Variants in HNRNPM observed in about 807,000 individuals in gnomAD.
The protein encoded by HNRNPM is CEA receptor.
A neutral mutation model predicts 73.1 loss-of-function variants in HNRNPM; 11 were observed. That is an observed-to-expected ratio of 0.15 (90% CI 0.09 to 0.25). The LOEUF is 0.25. Among genes scored for constraint, HNRNPM ranks in the 10% least tolerant of loss-of-function variants. The pLI is 1.00. For synonymous variants in HNRNPM, 407 were observed against 355.2 expected (o/e 1.15, Z -1.64); for missense variants, 789 against 1,067.9 (o/e 0.74, Z 3.64).
intron 1 of HNRNPM, among the ~76,000 whole-genome samples, chr19:8,452,846 C>T (rs899660598): frequency 3.3e-5 from 5 of 151,974 alleles, no homozygotes; most frequent in African/African-American, 7.3e-5. Flanking sequence ...CAAGTAAATA[C>T]GTTACTATTT....
intron 1 of HNRNPM, among the ~76,000 whole-genome samples, chr19:8,453,758 G>A (rs1431121076): frequency 6.6e-6 from 1 of 152,178 alleles, no homozygotes; most frequent in African/African-American, 2.4e-5. Flanking sequence ...TTCCTGATCA[G>A]CTCTAATCTG....
rs1971038617 is a variant in HNRNPM at position 8,483,153 on chromosome 19, C to T, written c.1121-5C>T. On this transcript the variant is annotated splice_polypyrimidine_tract_variant and splice_region_variant and intron_variant, in intron 12 of 15. Coordinates refer to ENST00000325495, the MANE Select transcript of HNRNPM (RefSeq NM_005968.5). ...CTAATTTTTTTTTCTTCCTGATTTC[C>T]TTAGAAATCCTAAGTAATGCACTGA... 2 of 1,604,550 alleles carry T rather than the reference C, an allele frequency of 1.2e-6. No homozygotes were observed. Among genetic ancestry groups the T allele is most frequent in the Admixed American group, 1.7e-5 (1 of 58,634 alleles).
Position 8,462,342 on chromosome 19 carries a change from G to A in HNRNPM, c.284-187G>A, listed in dbSNP as rs1938394091. 5 of 573,328 alleles carry A rather than the reference G, an allele frequency of 8.7e-6. No homozygotes were observed. The highest frequency in any genetic ancestry group is 2.3e-5 in the South Asian group (1 of 43,790). The allele number at this position is 573,328 out of a possible 1,614,324, so 35.5% of individuals were successfully genotyped here. A position where few individuals can be genotyped will look rare whatever the true frequency, so the allele number is the denominator to read the frequency against. ...GGAAAATCAAGGACATATTGTTAAC[G>A]TGTTTTCACCTACTTTTACTGCACA... is the stretch of plus-strand genomic sequence containing the variant. On this transcript the variant is annotated intron_variant, in intron 2 of 15. Coordinates refer to ENST00000325495, the MANE Select transcript of HNRNPM (RefSeq NM_005968.5). The surrounding 1 kb of genome is among the most constrained non-coding windows in gnomAD (Gnocchi z 4.5).
intron 1 of HNRNPM, among the ~76,000 whole-genome samples, chr19:8,451,281 G>C (rs1364823056): frequency 1.3e-5 from 2 of 151,706 alleles, no homozygotes; most frequent in East Asian, 3.9e-4. Context: ...GACCTCAGGT[G>C]ATCTGCCCGC....
At chr19:8,463,393 A>G (rs3764570) in intron 3 of HNRNPM, 104 bp from the exon 4 acceptor site, 354,417 of 1,274,192 alleles carry the variant, frequency 0.28, 53,328 homozygotes, top group East Asian at 0.49. Context: ...TGTGACATAA[A>G]TCATATTTTT....
rs1218454157 is a variant in HNRNPM, at chr19:8,473,517, T to TC, written c.998-146dup. On this transcript the variant is annotated intron_variant, in intron 10 of 15. Transcript: ENST00000325495. ...CAGTTGAAATGGTAAGGGCTTTTTT[T>TC]CTTGCTGATTAAAATATATAAAATA... 6 of 617,806 alleles carry TC rather than the reference T, an allele frequency of 9.7e-6. No homozygotes were observed. The East Asian group carries it at 1.8e-4, about 18-fold the overall frequency. 38.3% of individuals were successfully genotyped at this position (617,806 alleles called of 1,614,324 possible). A position where few individuals can be genotyped will look rare whatever the true frequency, so the allele number is the denominator to read the frequency against.
chr19:8,463,653 T>G lies in HNRNPM; in HGVS notation c.405T>G (p.His135Gln), dbSNP rs1243816182. The change falls in exon 5 of 16, where the codon CAT becomes CAG. Residue 135 changes from histidine to glutamine, a missense_variant. His to Gln is a conservative substitution (Grantham distance 24, BLOSUM62 0). Coordinates refer to ENST00000325495, the MANE Select transcript of HNRNPM (RefSeq NM_005968.5). ...AAGCTGCGGAAGTCCTAAACAAGCA[T>G]AGTCTGAGCGGAAGACCACTGAAAG... Reference protein sequence around the residue: ...MKKAAEVLNKHSLSGRPLKVK... With the variant: ...MKKAAEVLNKQSLSGRPLKVK... 8.1e-6 allele frequency: 13 copies of G among 1,613,614 alleles called. No homozygotes were observed. The highest frequency in any genetic ancestry group is 1.1e-5 in the Non-Finnish European group (13 of 1,179,612).
At chr19:8,463,195 C>G (rs755511360) in intron 3 of HNRNPM, among the ~76,000 whole-genome samples, 12 of 152,220 alleles carry the variant, frequency 7.9e-5, no homozygotes, top group Non-Finnish European at 1.6e-4. Context: ...GGAAGCAGAT[C>G]TAAAGTTGGT....
At chr19:8,450,365 T>A (rs1178665862) in intron 1 of HNRNPM, among the ~76,000 whole-genome samples, 1 of 152,200 alleles carries the variant, frequency 6.6e-6, no homozygotes, top group Non-Finnish European at 1.5e-5. Flanking sequence ...AGGCAGTCAC[T>A]ATTTGGTGGT....
At chr19:8,447,791 C>T (rs1968309802) in intron 1 of HNRNPM, among the ~76,000 whole-genome samples, 1 of 152,148 alleles carries the variant, frequency 6.6e-6, no homozygotes, top group Non-Finnish European at 1.5e-5. Flanking sequence ...CTTTGGGAGG[C>T]CGAGGCGGGC....
chr19:8,468,126 A>C (rs1351332948), intron 8 of HNRNPM, among the ~76,000 whole-genome samples: 1 of 152,262 alleles, frequency 6.6e-6, no homozygotes, highest in Non-Finnish European at 1.5e-5. Flanking sequence ...TGGCGCATTC[A>C]GGAAGTCACC....
intron 2 of HNRNPM, among the ~76,000 whole-genome samples, chr19:8,459,474 C>G (rs1332141330): frequency 6.6e-6 from 1 of 152,080 alleles, no homozygotes; most frequent in African/African-American, 2.4e-5. Context: ...TGCATGTGTT[C>G]TGTGCACTCC....
rs373643159 is a variant in HNRNPM at position 8,466,402 on chromosome 19, G to C, written c.784+14G>C. Reference sequence around the variant, plus strand: ...TGCAAGCTATATGTATCCTTCTGCAGGAATTCAACTTATGAACAGTTTGAC... The same window carrying C: ...TGCAAGCTATATGTATCCTTCTGCACGAATTCAACTTATGAACAGTTTGAC... On this transcript the variant is annotated intron_variant, in intron 7 of 15. Transcript: ENST00000325495. The C allele has an allele frequency of 5.0e-6, 8 of 1,613,434 alleles. No individual in the cohort carries two copies. Among genetic ancestry groups the C allele is most frequent in the Non-Finnish European group, 6.8e-6 (8 of 1,179,678 alleles).
chr19:8,450,001 G>C (rs1968492239), intron 1 of HNRNPM, among the ~76,000 whole-genome samples: 1 of 152,152 alleles, frequency 6.6e-6, no homozygotes, highest in African/African-American at 2.4e-5. Flanking sequence ...GTCCCTCTGA[G>C]CTACCATGCA....
chr19:8,487,282 A>T, intron 15 of HNRNPM: 1 of 598,584 alleles, frequency 1.7e-6, no homozygotes, highest in South Asian at 2.0e-5. Flanking sequence ...TTTCATCCTT[A>T]CTTCCTTTTT....
intron 1 of HNRNPM, among the ~76,000 whole-genome samples, chr19:8,447,278 A>G (rs199895976): frequency 1.6e-5 from 1 of 61,344 alleles, no homozygotes; most frequent in Non-Finnish European, 4.2e-5. Context: ...TTTTTTTTTC[A>G]TTACAAGTCT....
intron 1 of HNRNPM, among the ~76,000 whole-genome samples, chr19:8,454,586 C>G (rs931008200): frequency 6.6e-6 from 1 of 151,688 alleles, no homozygotes; most frequent in East Asian, 1.9e-4. Flanking sequence ...GGGTGTATAC[C>G]TAGCAGTGGA....
At position 8,462,870 on chromosome 19, in the gene HNRNPM, G is replaced by A. The variant is rs1288156088; in HGVS notation, c.336+289G>A. Among the ~76,000 whole-genome samples the A allele has an allele frequency of 1.3e-5, 2 of 152,222 alleles. No individual in the cohort carries two copies. Among genetic ancestry groups the A allele is most frequent in the East Asian group, 3.8e-4 (2 of 5,204 alleles). On this transcript the variant is annotated intron_variant, in intron 3 of 15. Transcript: ENST00000325495. This position sits in a 1 kb window ranked among gnomAD's most constrained non-coding sequence, Gnocchi z 4.5. ...TTGTTAACAGAGGAATTGGCTGTGTGTGAATTATGCATGGAATTTTAGCGG... is the reference window on the plus strand; with the variant it reads ...TTGTTAACAGAGGAATTGGCTGTGTATGAATTATGCATGGAATTTTAGCGG...
chr19:8,471,330 C>T lies in HNRNPM; in HGVS notation c.900C>T (p.Gly300=). 4.4e-6 allele frequency: 7 copies of T among 1,573,144 alleles called. No individual in the cohort carries two copies. Among genetic ancestry groups the T allele is most frequent in the Non-Finnish European group, 6.0e-6 (7 of 1,158,456 alleles). Reference sequence around the variant, plus strand: ...TTCTTTCTCTTTTCTTTCCAGATGGCCTTGGTGGTATTGGCATGGGGTTAG... The same window carrying T: ...TTCTTTCTCTTTTCTTTCCAGATGGTCTTGGTGGTATTGGCATGGGGTTAG... ...PPERPQQLPH[G]LGGIGMGLGP... Residue 300 remains glycine, a synonymous_variant, in exon 10 of 16, where the codon GGC becomes GGT. Transcript: ENST00000325495.
Sources: gnomAD v4.1 joint callset for allele counts (sites outside exome capture counted in the v4.1 genomes callset) on GRCh38, gnomAD v4.1.1 for gene constraint, Gnocchi (gnomAD v3.1) non-coding constraint, MANE v1.5 for transcripts, NCBI Gene and HGNC (gene_info 2026-07-23, HGNC 2026-07-21) for gene names.